TTLL11: variants seen among roughly 807,000 people sequenced by gnomAD.
TTLL11 encodes tubulin tyrosine ligase like 11, also known as tubulin polyglutamylase TTLL11.
A neutral mutation model predicts 51.7 loss-of-function variants in TTLL11; 42 were observed. That is an observed-to-expected ratio of 0.81 (90% CI 0.64 to 1.05). The LOEUF (loss-of-function observed/expected upper bound fraction) is 1.05, where lower values mean the gene tolerates loss of function less well. Ranked by LOEUF, TTLL11 falls within the 50% of genes least tolerant of loss-of-function variation. The pLI, the probability that TTLL11 is intolerant of heterozygous loss-of-function variation, is 0.00. For missense variants in TTLL11, 799 were observed against 940.4 expected, an observed-to-expected ratio of 0.85 and a Z score of 1.97; for synonymous variants, 381 against 383.5, an observed-to-expected ratio of 0.99 and a Z score of 0.08.
chr9:121,845,623 T>C (rs1837494918), intron 8 of TTLL11, among the ~76,000 whole-genome samples: 1 of 152,180 alleles, frequency 6.6e-6, no homozygotes, highest in Non-Finnish European at 1.5e-5. Context: ...AGCAATGTTA[T>C]AAGGCATGGA....
intron 4 of TTLL11, among the ~76,000 whole-genome samples, chr9:121,984,720 A>G (rs1445960363): frequency 6.6e-6 from 1 of 152,228 alleles, no homozygotes; most frequent in Non-Finnish European, 1.5e-5. Context: ...GCATCTAAGC[A>G]AAAGGATCAT....
intron 7 of TTLL11, among the ~76,000 whole-genome samples, chr9:121,867,727 C>A (rs7030732): frequency 0.63 from 95,764 of 151,734 alleles, 30,474 homozygotes; most frequent in East Asian, 0.89. Flanking sequence ...GAGGAAGCCT[C>A]CCCCATTCTG....
At chr9:122,031,957 CT>C (rs1844565426) in intron 2 of TTLL11, 101 bp from the exon 3 acceptor site, 1 of 1,460,308 alleles carries the variant, frequency 6.8e-7, no homozygotes. Flanking sequence ...GACATATTCT[CT>C]TTTTCAGGCA....
At chr9:121,902,078 T>G (rs1839797927) in intron 6 of TTLL11, among the ~76,000 whole-genome samples, 1 of 150,702 alleles carries the variant, frequency 6.6e-6, no homozygotes, top group Non-Finnish European at 1.5e-5. Context: ...ATTGCTTTTC[T>G]CTCTTTATAA....
chr9:121,911,039 T>C (rs945435644), intron 6 of TTLL11, among the ~76,000 whole-genome samples: 6 of 152,190 alleles, frequency 3.9e-5, no homozygotes, highest in Admixed American at 3.9e-4. Flanking sequence ...GATGGTCACA[T>C]ACTATATTTG....
intron 6 of TTLL11, chr9:121,884,621 T>A (rs1838936017): frequency 6.6e-6 from 1 of 152,178 alleles, no homozygotes. Context: ...TGCACCCCCC[T>A]TGCCAGGGAA....
chr9:121,857,509 G>A (rs541666389), intron 8 of TTLL11, among the ~76,000 whole-genome samples: 1 of 152,264 alleles, frequency 6.6e-6, no homozygotes, highest in East Asian at 1.9e-4. Flanking sequence ...CACCTCGAAG[G>A]CCTGGCGTGA....
chr9:121,860,474 C>T, intron 7 of TTLL11, 31 bp from the exon 8 acceptor site: 1 of 1,528,782 alleles, frequency 6.5e-7, no homozygotes, highest in Non-Finnish European at 8.9e-7. Context: ...CATGTCACTG[C>T]CAGCCTGAAA....
intron 6 of TTLL11, among the ~76,000 whole-genome samples, chr9:121,886,014 C>T (rs1033188521): frequency 6.6e-6 from 1 of 152,200 alleles, no homozygotes; most frequent in Non-Finnish European, 1.5e-5. Flanking sequence ...CAGGCATGAG[C>T]CACCGTGCCC....
At chr9:121,858,767 T>C (rs1837907810) in intron 8 of TTLL11, among the ~76,000 whole-genome samples, 1 of 152,162 alleles carries the variant, frequency 6.6e-6, no homozygotes, top group Non-Finnish European at 1.5e-5. Context: ...AGAGCAGGGA[T>C]TGTTGGCGCC....
intron 6 of TTLL11, among the ~76,000 whole-genome samples, chr9:121,874,907 C>T (rs1375630134): frequency 6.6e-6 from 1 of 151,936 alleles, no homozygotes; most frequent in Non-Finnish European, 1.5e-5. Flanking sequence ...CAGGCGTGTG[C>T]CACTATGTCT....
At chr9:121,914,137 G>C (rs994535066) in intron 6 of TTLL11, among the ~76,000 whole-genome samples, 1 of 152,106 alleles carries the variant, frequency 6.6e-6, no homozygotes, top group Non-Finnish European at 1.5e-5. Context: ...AGTATATGAA[G>C]GAGTTGACAA....
intron 3 of TTLL11, among the ~76,000 whole-genome samples, chr9:122,030,881 C>T (rs949607187): frequency 6.6e-6 from 1 of 151,920 alleles, no homozygotes; most frequent in African/African-American, 2.4e-5. Flanking sequence ...GTGGAAGCTG[C>T]AGTAAGCCAA....
intron 1 of TTLL11, among the ~76,000 whole-genome samples, chr9:122,068,458 T>C (rs900513381): frequency 1.3e-5 from 2 of 152,148 alleles, no homozygotes; most frequent in Non-Finnish European, 2.9e-5. Context: ...AAGATAAAAG[T>C]CCACATAGTA....
intron 4 of TTLL11, among the ~76,000 whole-genome samples, chr9:121,979,075 G>A (rs150805880): frequency 2.6e-5 from 4 of 152,270 alleles, no homozygotes; most frequent in Middle Eastern, 3.4e-3. Flanking sequence ...GTTATAAAAA[G>A]ACCGTGGCTT....
intron 3 of TTLL11, among the ~76,000 whole-genome samples, chr9:121,996,525 T>G (rs1843272369): frequency 6.6e-6 from 1 of 151,988 alleles, no homozygotes; most frequent in African/African-American, 2.4e-5. Flanking sequence ...TGCACACACA[T>G]GCACACGTAC....
Position 121,822,700 on chromosome 9 carries a change from G to A in TTLL11, c.2020C>T (p.His674Tyr). The A allele has an allele frequency of 6.5e-7, 1 of 1,549,676 alleles. No homozygotes were observed. Among genetic ancestry groups the A allele is most frequent in the Non-Finnish European group, 8.7e-7 (1 of 1,146,676 alleles). ...RGVPSGGRPPHRGPPQEPSPS... is the reference protein window; with the variant it reads ...RGVPSGGRPPYRGPPQEPSPS... ...GAGGGCTCCTGGGGAGGGCCACGGT[G>A]TGGGGGCCGGCCCCCCGACGGGACG... The change falls in exon 9 of 9, where the codon CAC becomes TAC. Residue 674 changes from histidine to tyrosine, a missense_variant. Physicochemically the swap from His to Tyr is moderately conservative, Grantham distance 83 (BLOSUM62 2). This residue lies in a region of TTLL11 where 165 missense variants were observed against 166.1 expected (regional missense o/e 0.99). Coordinates refer to ENST00000321582, the MANE Select transcript of TTLL11 (RefSeq NM_001139442.2). The surrounding 1 kb of genome is among the most constrained non-coding windows in gnomAD (Gnocchi z 5.8).
intron 6 of TTLL11, among the ~76,000 whole-genome samples, chr9:121,950,562 G>A (rs73662538): frequency 6.6e-6 from 1 of 152,108 alleles, no homozygotes; most frequent in Non-Finnish European, 1.5e-5. Flanking sequence ...AGGCCAGCAG[G>A]TGCCACAGGG....
chr9:122,043,008 G>A (rs1175741621), intron 1 of TTLL11, among the ~76,000 whole-genome samples: 2 of 152,170 alleles, frequency 1.3e-5, no homozygotes, highest in African/African-American at 2.4e-5. Context: ...ATACTATAAT[G>A]GTAGATACAT....
Sources: allele counts gnomAD v4.1 joint callset (sites outside exome capture counted in the v4.1 genomes callset), GRCh38; gene constraint gnomAD v4.1.1; regional missense constraint gnomAD v4.1.1; non-coding constraint Gnocchi (gnomAD v3.1); transcripts MANE v1.5; gene names NCBI Gene and HGNC (gene_info 2026-07-23, HGNC 2026-07-21).